Variants in SLC1A2 observed in about 807,000 individuals in gnomAD.
The protein encoded by SLC1A2 is solute carrier family 1 member 2, also known as excitatory amino acid transporter 2.
A neutral mutation model predicts 48.8 loss-of-function variants in SLC1A2; 15 were observed. The observed-to-expected ratio is 0.31, with a 90% confidence interval of 0.21 to 0.47. The LOEUF (loss-of-function observed/expected upper bound fraction) is 0.47, where lower values mean the gene tolerates loss of function less well. SLC1A2 is among the 20% of genes least tolerant of loss of function. SLC1A2 has a pLI of 0.99. For synonymous variants in SLC1A2, 279 were observed against 272.6 expected (o/e 1.02, Z -0.23); for missense variants, 502 against 730.5 (o/e 0.69, Z 3.61).
intron 1 of SLC1A2, chr11:35,352,128 T>C (rs377615182): frequency 7.2e-5 from 11 of 151,856 alleles, no homozygotes; most frequent in African/African-American, 2.7e-4. Flanking sequence ...CTAACTAAGC[T>C]GACTGACCAA....
At chr11:35,370,231 C>T (rs1854010403) in intron 1 of SLC1A2, among the ~76,000 whole-genome samples, 1 of 152,164 alleles carries the variant, frequency 6.6e-6, no homozygotes, top group Non-Finnish European at 1.5e-5. Flanking sequence ...AGGAAACAGG[C>T]TTGGCCTTGC....
chr11:35,314,915 T>G, intron 3 of SLC1A2, 108 bp downstream of exon 3: 1 of 698,256 alleles, frequency 1.4e-6, no homozygotes, highest in Admixed American at 2.3e-5. Flanking sequence ...TGAAATGAAA[T>G]GACATAGACG....
intron 1 of SLC1A2, among the ~76,000 whole-genome samples, chr11:35,359,286 T>A (rs574413524): frequency 6.6e-6 from 1 of 152,328 alleles, no homozygotes; most frequent in African/African-American, 2.4e-5. Flanking sequence ...GTAGAGGACA[T>A]ATTCATTAAG....
At chr11:35,311,064 T>C (rs1422524786) in intron 4 of SLC1A2, among the ~76,000 whole-genome samples, 1 of 152,198 alleles carries the variant, frequency 6.6e-6, no homozygotes, top group African/African-American at 2.4e-5. Context: ...TTTAAAACAT[T>C]GTTCAATGTT....
At chr11:35,336,518 G>A (rs890732945) in intron 1 of SLC1A2, among the ~76,000 whole-genome samples, 1 of 152,104 alleles carries the variant, frequency 6.6e-6, no homozygotes, top group Non-Finnish European at 1.5e-5. Flanking sequence ...GAGATAAGTG[G>A]TTTCCTTTGT....
intron 5 of SLC1A2, among the ~76,000 whole-genome samples, chr11:35,303,125 A>G (rs1252102970): frequency 6.6e-6 from 1 of 151,856 alleles, no homozygotes; most frequent in Non-Finnish European, 1.5e-5. Context: ...TAAAGTCTTA[A>G]CCCATACTCA....
At position 35,419,028 on chromosome 11, in the gene SLC1A2, G is replaced by T. The variant is rs1044715481; in HGVS notation, c.-62C>A. On this transcript the variant is annotated 5_prime_UTR_variant, in exon 1 of 11. Transcript: ENST00000278379. The surrounding 1 kb of genome is among the most constrained non-coding windows in gnomAD (Gnocchi z 5.4). ...GGCAGCTGTGGGCGAGGGAGAAAGC[G>T]GACGCCGGGGTGAGCGCGAAGTGCG... is the stretch of plus-strand genomic sequence containing the variant. 1.5e-5 allele frequency: 22 copies of T among 1,480,776 alleles called. No individual in the cohort carries two copies. Among genetic ancestry groups the T allele is most frequent in the African/African-American group, 2.8e-5 (2 of 70,346 alleles). The allele number at this position is 1,480,776 out of a possible 1,614,324, so 91.7% of individuals were successfully genotyped here.
chr11:35,312,129 A>G lies in SLC1A2; in HGVS notation c.561+69T>C, dbSNP rs934907847. On this transcript the variant is annotated intron_variant, in intron 4 of 10. Transcript: ENST00000278379. The stretch of plus-strand genomic sequence containing the variant: ...TTCTACCCAGAGTTGGTCTGTTAAA[A>G]TACTCTTAAGTTATCGCCTTGATAA... 2.6e-6 allele frequency: 4 copies of G among 1,528,690 alleles called. No individual in the cohort carries two copies. In the African/African-American group the frequency reaches 4.1e-5, roughly 16 times the overall value. The allele number at this position is 1,528,690 out of a possible 1,614,324, so 94.7% of individuals were successfully genotyped here. A position where few individuals can be genotyped will look rare whatever the true frequency, so the allele number is the denominator to read the frequency against.
At chr11:35,397,876 T>C (rs1236708760) in intron 1 of SLC1A2, among the ~76,000 whole-genome samples, 1 of 152,206 alleles carries the variant, frequency 6.6e-6, no homozygotes, top group Non-Finnish European at 1.5e-5. Flanking sequence ...TAAACTTCTG[T>C]TATTTTTAAG....
chr11:35,286,707 G>C, intron 8 of SLC1A2, 50 bp downstream of exon 8: 5 of 1,394,316 alleles, frequency 3.6e-6, no homozygotes, highest in Non-Finnish European at 5.0e-6. Context: ...AGTTAGTGTG[G>C]AGGGGAAACA....
intron 7 of SLC1A2, among the ~76,000 whole-genome samples, chr11:35,289,216 A>C (rs3794095): frequency 0.26 from 39,158 of 151,940 alleles, 5,173 homozygotes; most frequent in Admixed American, 0.3. Flanking sequence ...TTGAGAAAAG[A>C]TGTTCAACTA....
chr11:35,407,025 A>T (rs1855316721), intron 1 of SLC1A2, among the ~76,000 whole-genome samples: 1 of 152,186 alleles, frequency 6.6e-6, no homozygotes, highest in Admixed American at 6.5e-5. Flanking sequence ...ATGAAGGGTT[A>T]AGGGAAGAAA....
intron 9 of SLC1A2, among the ~76,000 whole-genome samples, chr11:35,269,084 G>A (rs1178102976): frequency 6.6e-6 from 1 of 152,112 alleles, no homozygotes; most frequent in African/African-American, 2.4e-5. Flanking sequence ...AGGTCACAAG[G>A]GTGGAGCCTT....
chr11:35,261,179 G>A (rs1206009344), intron 10 of SLC1A2, among the ~76,000 whole-genome samples: 1 of 152,204 alleles, frequency 6.6e-6, no homozygotes, highest in African/African-American at 2.4e-5. Flanking sequence ...GGAGTATCAA[G>A]GTATTAAAGC....
chr11:35,332,161 C>G (rs1160569391), intron 1 of SLC1A2, among the ~76,000 whole-genome samples: 1 of 152,208 alleles, frequency 6.6e-6, no homozygotes, highest in Admixed American at 6.5e-5. Context: ...CCAAAAGCAA[C>G]TAGGGCTTCT....
intron 10 of SLC1A2, 92 bp downstream of exon 10, chr11:35,265,435 T>C (rs1177309215): frequency 4.3e-6 from 3 of 702,974 alleles, no homozygotes; most frequent in Non-Finnish European, 7.4e-6. Flanking sequence ...GTGACAATAA[T>C]ACATGCAGGG....
At chr11:35,292,594 G>T (rs745691445) in intron 6 of SLC1A2, 74 bp from the exon 7 acceptor site, 3 of 798,024 alleles carry the variant, frequency 3.8e-6, no homozygotes, top group Non-Finnish European at 6.1e-6. Context: ...CCTCTGTACC[G>T]CACACTGAGG....
chr11:35,282,908 A>G (rs142198557), intron 8 of SLC1A2, among the ~76,000 whole-genome samples: 1 of 152,262 alleles, frequency 6.6e-6, no homozygotes, highest in African/African-American at 2.4e-5. Context: ...AAGCCCTGCA[A>G]GAGCTTCTTG....
chr11:35,362,173 G>A (rs1853705211), intron 1 of SLC1A2, among the ~76,000 whole-genome samples: 1 of 152,184 alleles, frequency 6.6e-6, no homozygotes, highest in African/African-American at 2.4e-5. Flanking sequence ...TGCCCAAGAT[G>A]TTTTGCATGT....
Sources: allele counts gnomAD v4.1 joint callset (sites outside exome capture counted in the v4.1 genomes callset), GRCh38; gene constraint gnomAD v4.1.1; non-coding constraint Gnocchi (gnomAD v3.1); transcripts MANE v1.5; gene names NCBI Gene and HGNC (gene_info 2026-07-23, HGNC 2026-07-21).